LAMA2: variants seen among roughly 807,000 people sequenced by gnomAD.
The protein encoded by LAMA2 is laminin subunit alpha-2.
LAMA2 carries 269 observed loss-of-function variants against 364.8 expected under a neutral mutation model. That is an observed-to-expected ratio of 0.74 (90% CI 0.67 to 0.82). The LOEUF (loss-of-function observed/expected upper bound fraction) is 0.82, where lower values mean the gene tolerates loss of function less well. Among genes scored for constraint, LAMA2 ranks in the 40% least tolerant of loss-of-function variants. LAMA2 has a pLI of 0.00. For synonymous variants in LAMA2, 1,379 were observed against 1,370.6 expected, an observed-to-expected ratio of 1.01 and a Z score of -0.14; for missense variants, 3,807 against 3,873.2, an observed-to-expected ratio of 0.98 and a Z score of 0.45.
intron 1 of LAMA2, among the ~76,000 whole-genome samples, chr6:128,915,810 T>G (rs914027662): frequency 1.4e-4 from 21 of 152,152 alleles, no homozygotes; most frequent in African/African-American, 4.6e-4. Flanking sequence ...CAGTATAAAA[T>G]CCAAGTCTTT....
chr6:129,058,843 G>C (rs560189681), intron 2 of LAMA2, among the ~76,000 whole-genome samples: 9 of 152,300 alleles, frequency 5.9e-5, no homozygotes, highest in Admixed American at 1.3e-4. Context: ...CCCAATAGGA[G>C]CATAGATGTA....
chr6:129,368,495 A>T (rs533324968), intron 33 of LAMA2, among the ~76,000 whole-genome samples: 1 of 152,380 alleles, frequency 6.6e-6, no homozygotes, highest in Admixed American at 6.5e-5. Context: ...TTTAATGAAA[A>T]GAATGCCGAT....
intron 34 of LAMA2, among the ~76,000 whole-genome samples, chr6:129,378,878 G>A (rs908104643): frequency 3.9e-5 from 6 of 152,158 alleles, no homozygotes; most frequent in Admixed American, 1.3e-4. Context: ...TGAGACACAC[G>A]AGAGTGCTGT....
At chr6:129,429,824 C>T (rs1781501702) in intron 41 of LAMA2, among the ~76,000 whole-genome samples, 1 of 152,108 alleles carries the variant, frequency 6.6e-6, no homozygotes, top group Non-Finnish European at 1.5e-5. Flanking sequence ...AGGGCCGTGC[C>T]CTCGCCTCTA....
At chr6:128,904,452 C>CTTTTT (rs562812796) in intron 1 of LAMA2, among the ~76,000 whole-genome samples, 17 of 119,288 alleles carry the variant, frequency 1.4e-4, no homozygotes, top group Non-Finnish European at 1.6e-4. Flanking sequence ...TTTTTCCTTT[C>CTTTTT]TTTTTTTTTT....
intron 12 of LAMA2, among the ~76,000 whole-genome samples, chr6:129,224,828 C>T (rs1784134869): frequency 6.6e-6 from 1 of 152,164 alleles, no homozygotes; most frequent in African/African-American, 2.4e-5. Context: ...GCTTTTGTAT[C>T]AGGAGGATGC....
In LAMA2 at chr6:129,164,965, A is replaced by G. The variant is rs182369026; in HGVS notation, c.1207-611A>G. Among the ~76,000 whole-genome samples the G allele has an allele frequency of 1.2e-4, 18 of 152,320 alleles. No homozygotes were observed. The East Asian group carries it at 3.3e-3, about 28-fold the overall frequency. On this transcript the variant is annotated intron_variant, in intron 8 of 64. Coordinates refer to ENST00000421865, the MANE Select transcript of LAMA2 (RefSeq NM_000426.4). ...CTTACCTATTCTGTGCACAGTCCCA[A>G]CTTCATAATGGGGGAATGAATGAAT...
intron 4 of LAMA2, among the ~76,000 whole-genome samples, chr6:129,108,303 A>T (rs1161590632): frequency 6.6e-6 from 1 of 152,048 alleles, no homozygotes; most frequent in South Asian, 2.1e-4. Flanking sequence ...AATTTAATGT[A>T]TGTCAGTTGT....
At chr6:129,177,600 A>AT (rs560606011) in intron 9 of LAMA2, 106 bp from the exon 10 acceptor site, 462 of 1,151,392 alleles carry the variant, frequency 4.0e-4, no homozygotes, top group Non-Finnish European at 5.6e-4. Flanking sequence ...TAAAAAATCT[A>AT]TTTTTGTGTC....
intron 1 of LAMA2, among the ~76,000 whole-genome samples, chr6:128,926,359 G>A (rs1052325336): frequency 3.9e-5 from 6 of 152,058 alleles, no homozygotes; most frequent in Admixed American, 1.3e-4. Flanking sequence ...TCATTTTACC[G>A]CTTCAAGGAT....
chr6:129,418,229 A>T (rs368715292), intron 40 of LAMA2, among the ~76,000 whole-genome samples: 1 of 152,146 alleles, frequency 6.6e-6, no homozygotes, highest in African/African-American at 2.4e-5. Context: ...TTAGAATTAA[A>T]ATTTAAGCTG....
chr6:129,238,798 G>T (rs938979193), intron 12 of LAMA2, among the ~76,000 whole-genome samples: 16 of 151,948 alleles, frequency 1.1e-4, no homozygotes, highest in African/African-American at 3.6e-4. Flanking sequence ...ATTAAATGAG[G>T]ATAAAGAGTA....
At chr6:129,322,991 G>A (rs548542019) in intron 28 of LAMA2, among the ~76,000 whole-genome samples, 25 of 152,262 alleles carry the variant, frequency 1.6e-4, no homozygotes, top group Middle Eastern at 3.4e-3. Context: ...TGGCTTCACC[G>A]TCCCATGACT....
intron 14 of LAMA2, among the ~76,000 whole-genome samples, chr6:129,255,231 C>T (rs974921847): frequency 3.3e-5 from 5 of 151,598 alleles, no homozygotes; most frequent in Admixed American, 2.0e-4. Context: ...CATGGTGAAA[C>T]CCCATCTCTA....
At chr6:128,919,417 T>G (rs1197597682) in intron 1 of LAMA2, among the ~76,000 whole-genome samples, 1 of 152,236 alleles carries the variant, frequency 6.6e-6, no homozygotes, top group African/African-American at 2.4e-5. Flanking sequence ...AACAATTATA[T>G]AATGGTTAAT....
intron 3 of LAMA2, among the ~76,000 whole-genome samples, chr6:129,075,750 T>C (rs1773592809): frequency 1.3e-5 from 2 of 152,084 alleles, no homozygotes; most frequent in African/African-American, 4.8e-5. Context: ...AGAATGGAGA[T>C]ACTGGGTGGC....
intron 3 of LAMA2, among the ~76,000 whole-genome samples, chr6:129,065,561 C>T (rs1789240090): frequency 6.6e-6 from 1 of 152,078 alleles, no homozygotes; most frequent in Non-Finnish European, 1.5e-5. Flanking sequence ...TGTAAATTAG[C>T]AGGATACAAA....
chr6:129,331,831 G>C (rs1235795801), intron 29 of LAMA2, among the ~76,000 whole-genome samples: 1 of 151,884 alleles, frequency 6.6e-6, no homozygotes, highest in African/African-American at 2.4e-5. Flanking sequence ...TTCTATACTG[G>C]ATTCAATGGC....
At chr6:129,274,182 A>T (rs1320129610) in intron 17 of LAMA2, among the ~76,000 whole-genome samples, 1 of 151,722 alleles carries the variant, frequency 6.6e-6, no homozygotes, top group Non-Finnish European at 1.5e-5. Context: ...CTAGAAAATT[A>T]TCATGGTTTA....
Sources: gnomAD v4.1 joint callset for allele counts (sites outside exome capture counted in the v4.1 genomes callset) on GRCh38, gnomAD v4.1.1 for gene constraint, MANE v1.5 for transcripts, NCBI Gene and HGNC (gene_info 2026-07-23, HGNC 2026-07-21) for gene names.